The following SEZ6L variants were observed in gnomAD, a reference collection of about 807,000 sequenced individuals.
SEZ6L encodes seizure 6-like protein.
Under a neutral mutation model 106.2 loss-of-function variants are expected in SEZ6L, and 37 were observed. The observed-to-expected ratio is 0.35, with a 90% CI of 0.27 to 0.46. The LOEUF is 0.46. Among genes scored for constraint, SEZ6L ranks in the 20% least tolerant of loss-of-function variants. The probability of loss-of-function intolerance (pLI) is 1.00; values close to 1 mark genes in which losing one functional copy is unlikely to be tolerated. For missense variants in SEZ6L, 1,172 were observed against 1,332.8 expected (o/e 0.88, Z 1.88); for synonymous variants, 541 against 570.4 (o/e 0.95, Z 0.73).
intron 1 of SEZ6L, among the ~76,000 whole-genome samples, chr22:26,228,289 T>G (rs1174665906): frequency 6.6e-6 from 1 of 152,160 alleles, no homozygotes; most frequent in Non-Finnish European, 1.5e-5. Flanking sequence ...TCTGGGTCGA[T>G]GAAGGGCCAG....
At chr22:26,354,245 T>C (rs2083367584) in intron 12 of SEZ6L, among the ~76,000 whole-genome samples, 1 of 152,192 alleles carries the variant, frequency 6.6e-6, no homozygotes, top group Non-Finnish European at 1.5e-5. Flanking sequence ...TGGATTAAGA[T>C]GGGTGTTGAT....
intron 12 of SEZ6L, among the ~76,000 whole-genome samples, chr22:26,358,962 T>A (rs1415807932): frequency 6.6e-6 from 1 of 152,110 alleles, no homozygotes; most frequent in Non-Finnish European, 1.5e-5. Context: ...CTGCCTTAGA[T>A]GATCTTATTT....
Position 26,381,273 on chromosome 22 carries a change from G to A in SEZ6L, c.*978G>A, listed in dbSNP as rs938420147. Reference sequence around the variant, plus strand: ...GTTTGGAAATGCAGGGGTGAGCTCTGGTTTCTCCTGGGGTTCTGGAATATC... The same window carrying A: ...GTTTGGAAATGCAGGGGTGAGCTCTAGTTTCTCCTGGGGTTCTGGAATATC... On this transcript the variant is annotated 3_prime_UTR_variant, in exon 17 of 17. Coordinates refer to ENST00000248933, the MANE Select transcript of SEZ6L (RefSeq NM_021115.5). The A allele has an allele frequency of 2.0e-5, 3 of 152,184 alleles. No homozygotes were observed. Among genetic ancestry groups the A allele is most frequent in the African/African-American group, 7.2e-5 (3 of 41,410 alleles). The allele number at this position is 152,184 out of a possible 1,614,324, so 9.4% of individuals were successfully genotyped here.
rs138149063 is a variant in SEZ6L, at chr22:26,356,326, C to T, written c.2599+5083C>T. ...TAATGCACATACATTAAAAGAAAAA[C>T]GGTTTTTTTTATTATTAAATAATGA... On this transcript the variant is annotated intron_variant, in intron 12 of 16. Transcript: ENST00000248933. Among the ~76,000 whole-genome samples the T allele has an allele frequency of 1.8e-3, 268 of 152,212 alleles. 4 individuals carry two copies. Among genetic ancestry groups the T allele is most frequent in the African/African-American group, 6.2e-3 (259 of 41,534 alleles).
intron 9 of SEZ6L, among the ~76,000 whole-genome samples, chr22:26,329,390 C>A (rs1358111023): frequency 1.3e-5 from 2 of 152,102 alleles, no homozygotes; most frequent in African/African-American, 2.4e-5. Context: ...ATAGCTTGAA[C>A]CCAGGAGGCG....
intron 9 of SEZ6L, among the ~76,000 whole-genome samples, chr22:26,328,303 T>C (rs1167664155): frequency 6.6e-6 from 1 of 152,184 alleles, no homozygotes; most frequent in Admixed American, 6.5e-5. Flanking sequence ...TAGTTCCTTA[T>C]AAATAGTTTT....
chr22:26,342,847 C>A (rs1482843474), intron 10 of SEZ6L, among the ~76,000 whole-genome samples: 12 of 152,200 alleles, frequency 7.9e-5, no homozygotes, highest in Admixed American at 7.9e-4. Context: ...GCACTTGCAC[C>A]TAAAAACAAG....
At chr22:26,177,318 A>C (rs571686316) in intron 1 of SEZ6L, among the ~76,000 whole-genome samples, 26 of 152,352 alleles carry the variant, frequency 1.7e-4, no homozygotes, top group African/African-American at 4.3e-4. Flanking sequence ...AGAAAGAAAA[A>C]TTAAAAAGTG....
At chr22:26,305,894 C>G (rs974470924) in intron 5 of SEZ6L, 85 bp from the exon 6 acceptor site, 3 of 1,355,896 alleles carry the variant, frequency 2.2e-6, no homozygotes, top group Non-Finnish European at 2.0e-6. Flanking sequence ...TTCCTTCTCT[C>G]TCTCTCTCTC....
At chr22:26,304,410 AAGAAAGAAAGAAAG>A (rs2081567253) in intron 5 of SEZ6L, among the ~76,000 whole-genome samples, 1 of 149,380 alleles carries the variant, frequency 6.7e-6, no homozygotes, top group Non-Finnish European at 1.5e-5. Context: ...GAAAGAAAGA[AAGAAAGAAAGAAAG>A]AAAGAAAAAG....
At chr22:26,235,862 G>T (rs1409770210) in intron 1 of SEZ6L, among the ~76,000 whole-genome samples, 1 of 152,164 alleles carries the variant, frequency 6.6e-6, no homozygotes, top group Non-Finnish European at 1.5e-5. Context: ...AGAATTCCAA[G>T]CGGAAAAAGA....
At chr22:26,278,180 C>T (rs2145852476) in intron 1 of SEZ6L, among the ~76,000 whole-genome samples, 1 of 152,304 alleles carries the variant, frequency 6.6e-6, no homozygotes, top group African/African-American at 2.4e-5. Context: ...ATCTCTCTGG[C>T]TGCTGCGGAG....
chr22:26,185,169 A>G (rs2123785419), intron 1 of SEZ6L, among the ~76,000 whole-genome samples: 1 of 152,358 alleles, frequency 6.6e-6, no homozygotes, highest in South Asian at 2.1e-4. Context: ...CACACTATGT[A>G]TGTGAAGGGG....
intron 14 of SEZ6L, among the ~76,000 whole-genome samples, chr22:26,373,917 T>C (rs1365206903): frequency 2.6e-5 from 4 of 152,222 alleles, no homozygotes; most frequent in Non-Finnish European, 1.5e-5. Flanking sequence ...TGAGTCTTTT[T>C]TCCCCTCAGC....
intron 1 of SEZ6L, among the ~76,000 whole-genome samples, chr22:26,248,401 C>A (rs1204409593): frequency 6.6e-6 from 1 of 152,176 alleles, no homozygotes; most frequent in Admixed American, 6.5e-5. Flanking sequence ...TTTGCTCCAG[C>A]TGGAGTGCAG....
intron 1 of SEZ6L, among the ~76,000 whole-genome samples, chr22:26,180,296 T>C (rs972461206): frequency 6.6e-6 from 1 of 152,230 alleles, no homozygotes; most frequent in Non-Finnish European, 1.5e-5. Flanking sequence ...TTCATCAAGA[T>C]GTGGCCTGTC....
chr22:26,176,069 T>G (rs1286043802), intron 1 of SEZ6L, among the ~76,000 whole-genome samples: 1 of 152,152 alleles, frequency 6.6e-6, no homozygotes, highest in Admixed American at 6.5e-5. Flanking sequence ...GGACCTACTC[T>G]GTGCCAGGGG....
chr22:26,378,054 G>A (rs760718467), intron 16 of SEZ6L, among the ~76,000 whole-genome samples: 10 of 152,170 alleles, frequency 6.6e-5, no homozygotes, highest in South Asian at 6.3e-4. Context: ...GCAGACCAAC[G>A]GTGGCCTGGT....
At chr22:26,250,962 G>C (rs1464170738) in intron 1 of SEZ6L, among the ~76,000 whole-genome samples, 1 of 152,074 alleles carries the variant, frequency 6.6e-6, no homozygotes, top group Non-Finnish European at 1.5e-5. Flanking sequence ...CTTCTTTTCA[G>C]CTAGTTTGTT....
Sources: allele counts gnomAD v4.1 joint callset (sites outside exome capture counted in the v4.1 genomes callset), GRCh38; gene constraint gnomAD v4.1.1; transcripts MANE v1.5; gene names NCBI Gene and HGNC (gene_info 2026-07-23, HGNC 2026-07-21).